Variants in WDR7 observed in about 807,000 individuals in gnomAD.
The protein encoded by WDR7 is WD repeat-containing protein 7.
In WDR7, 46 loss-of-function variants were observed where a neutral mutation model predicts 169.4. The ratio of observed to expected loss-of-function variants is 0.27; its 90% CI spans 0.21 to 0.35. The LOEUF (loss-of-function observed/expected upper bound fraction) is 0.35, where lower values mean the gene tolerates loss of function less well. Among genes scored for constraint, WDR7 ranks in the 10% least tolerant of loss-of-function variants. The pLI is 1.00. For missense variants in WDR7, 1,534 were observed against 1,859.3 expected (o/e 0.83, Z 3.22); for synonymous variants, 612 against 666.8 (o/e 0.92, Z 1.27).
intron 26 of WDR7, among the ~76,000 whole-genome samples, chr18:57,013,815 A>G (rs1253264334): frequency 6.6e-6 from 1 of 152,206 alleles, no homozygotes; most frequent in Non-Finnish European, 1.5e-5. Context: ...TCACTCTCCT[A>G]AAGATAACGG....
chr18:56,982,249 G>A (rs1026902822), intron 26 of WDR7, among the ~76,000 whole-genome samples: 2 of 152,164 alleles, frequency 1.3e-5, no homozygotes, highest in Non-Finnish European at 1.5e-5. Flanking sequence ...AAAATTTGGT[G>A]GATTTCAAAG....
At chr18:56,682,651 A>G (rs960164779) in intron 4 of WDR7, 28 bp from the exon 5 acceptor site, 6 of 1,600,416 alleles carry the variant, frequency 3.7e-6, no homozygotes, top group Non-Finnish European at 4.3e-6. Context: ...ACACTCAGAA[A>G]TCTTTTTTCC....
intron 13 of WDR7, among the ~76,000 whole-genome samples, chr18:56,729,917 T>C (rs1314767894): frequency 6.6e-6 from 1 of 152,254 alleles, no homozygotes; most frequent in Non-Finnish European, 1.5e-5. Context: ...TCATTATTGC[T>C]TCAATTTGAT....
chr18:56,951,856 C>T (rs546527224), intron 25 of WDR7, among the ~76,000 whole-genome samples: 25 of 152,016 alleles, frequency 1.6e-4, no homozygotes, highest in Non-Finnish European at 3.2e-4. Context: ...TATTGAAGAG[C>T]CCAAAGAACA....
chr18:56,934,787 T>A (rs2046935882), intron 22 of WDR7, among the ~76,000 whole-genome samples: 1 of 152,190 alleles, frequency 6.6e-6, no homozygotes, highest in Non-Finnish European at 1.5e-5. Context: ...ATAAAGCACA[T>A]ATACTCATTT....
At chr18:56,692,966 T>A (rs2025610134) in intron 9 of WDR7, among the ~76,000 whole-genome samples, 1 of 151,990 alleles carries the variant, frequency 6.6e-6, no homozygotes, top group African/African-American at 2.4e-5. Flanking sequence ...CTTGGGAGGC[T>A]GAAGTGGGAA....
At chr18:56,844,003 T>C (rs2045528053) in intron 20 of WDR7, among the ~76,000 whole-genome samples, 1 of 151,704 alleles carries the variant, frequency 6.6e-6, no homozygotes, top group Admixed American at 6.6e-5. Context: ...GCTGGGATTA[T>C]AGGCATACAC....
chr18:56,818,271 C>T (rs1334010056), intron 20 of WDR7, among the ~76,000 whole-genome samples: 1 of 152,170 alleles, frequency 6.6e-6, no homozygotes, highest in East Asian at 1.9e-4. Flanking sequence ...GTCAAGTAAG[C>T]ATTATTAAAT....
At chr18:56,961,583 A>G (rs1226052553) in intron 25 of WDR7, among the ~76,000 whole-genome samples, 1 of 152,176 alleles carries the variant, frequency 6.6e-6, no homozygotes, top group Non-Finnish European at 1.5e-5. Context: ...CATAATTTTT[A>G]TTCTTACCTT....
intron 25 of WDR7, among the ~76,000 whole-genome samples, chr18:56,948,565 T>G (rs993155829): frequency 1.3e-5 from 2 of 152,246 alleles, no homozygotes; most frequent in Admixed American, 6.5e-5. Context: ...TTCATCCTAA[T>G]AAATGGCATC....
chr18:56,898,981 A>T (rs2046366658), intron 21 of WDR7, among the ~76,000 whole-genome samples: 1 of 152,136 alleles, frequency 6.6e-6, no homozygotes, highest in Non-Finnish European at 1.5e-5. Flanking sequence ...AATAGTTCTT[A>T]AAAAGCGGTT....
chr18:56,928,033 G>C (rs1477732638), intron 22 of WDR7, among the ~76,000 whole-genome samples: 1 of 152,232 alleles, frequency 6.6e-6, no homozygotes, highest in African/African-American at 2.4e-5. Flanking sequence ...AGCGGGGGAA[G>C]GACAGGGGCA....
intron 21 of WDR7, among the ~76,000 whole-genome samples, chr18:56,893,050 T>C (rs1206818114): frequency 1.3e-5 from 2 of 152,028 alleles, no homozygotes; most frequent in African/African-American, 4.8e-5. Flanking sequence ...TGCAGCATGG[T>C]ACAAGACTCT....
intron 26 of WDR7, among the ~76,000 whole-genome samples, chr18:56,985,544 A>G (rs1330858504): frequency 1.3e-5 from 2 of 152,146 alleles, no homozygotes; most frequent in Non-Finnish European, 2.9e-5. Flanking sequence ...TCCAAGATAC[A>G]TTTTAACTTC....
chr18:56,748,785 A>G (rs535900145), intron 14 of WDR7, among the ~76,000 whole-genome samples: 2 of 152,264 alleles, frequency 1.3e-5, no homozygotes, highest in South Asian at 4.1e-4. Flanking sequence ...TCTAATTCCA[A>G]CATAAATGGA....
At position 56,664,981 on chromosome 18, in the gene WDR7, T is replaced by C. The variant is rs150289408; in HGVS notation, c.-19-7516T>C. Among the ~76,000 whole-genome samples, 484 of 152,266 alleles carry C rather than the reference T, an allele frequency of 3.2e-3. 2 individuals carry two copies. Among genetic ancestry groups the C allele is most frequent in the Middle Eastern group, 6.8e-3 (2 of 294 alleles). On this transcript the variant is annotated intron_variant, in intron 1 of 27. Transcript: ENST00000254442. The stretch of plus-strand genomic sequence containing the variant: ...TTCAGAACGCCATGTTGTGTGCATA[T>C]GTACAACTTTAAAACAAAAGAACTT...
At chr18:56,763,956 C>T (rs1261863717) in intron 16 of WDR7, among the ~76,000 whole-genome samples, 1 of 151,902 alleles carries the variant, frequency 6.6e-6, no homozygotes, top group Non-Finnish European at 1.5e-5. Flanking sequence ...TTTTCTTGAT[C>T]AGTCTGTCTT....
At chr18:56,692,668 A>G (rs1324588313) in intron 9 of WDR7, among the ~76,000 whole-genome samples, 1 of 151,992 alleles carries the variant, frequency 6.6e-6, no homozygotes, top group Non-Finnish European at 1.5e-5. Flanking sequence ...GTCATGTCCA[A>G]TTAACCTAAG....
In WDR7 at chr18:56,682,954, T is replaced by G. The variant is rs1888799305; in HGVS notation, c.520+101T>G. ...TCATAAATTAATACTTTGGGATATA[T>G]TCTTCTATGTAAGAAATAACTACAC... On this transcript the variant is annotated intron_variant, in intron 5 of 27. Coordinates refer to ENST00000254442, the MANE Select transcript of WDR7 (RefSeq NM_015285.3). The G allele has an allele frequency of 2.4e-6, 3 of 1,261,636 alleles. No individual in the cohort carries two copies. In the African/African-American group the frequency reaches 4.5e-5, roughly 19 times the overall value. 78.2% of individuals were successfully genotyped at this position (1,261,636 alleles called of 1,614,324 possible). A position where few individuals can be genotyped will look rare whatever the true frequency, so the allele number is the denominator to read the frequency against.
Sources: allele counts gnomAD v4.1 joint callset (sites outside exome capture counted in the v4.1 genomes callset), GRCh38; gene constraint gnomAD v4.1.1; transcripts MANE v1.5; gene names NCBI Gene and HGNC (gene_info 2026-07-23, HGNC 2026-07-21).